Variants in PTPRN2 observed in about 807,000 individuals in gnomAD.
PTPRN2 encodes receptor-type tyrosine-protein phosphatase N2.
A neutral mutation model predicts 118.8 loss-of-function variants in PTPRN2; 74 were observed. The observed-to-expected ratio is 0.62, with a 90% CI of 0.52 to 0.76. The LOEUF is 0.76. Ranked by LOEUF, PTPRN2 falls within the 30% of genes least tolerant of loss-of-function variation. PTPRN2 has a pLI of 0.00. For missense variants in PTPRN2, 1,481 were observed against 1,394.4 expected (o/e 1.06, Z -0.99); for synonymous variants, 641 against 608.0 (o/e 1.05, Z -0.80).
At chr7:157,791,829 CACCT>C (rs1804522340) in intron 12 of PTPRN2, among the ~76,000 whole-genome samples, 1 of 152,240 alleles carries the variant, frequency 6.6e-6, no homozygotes, top group Admixed American at 6.5e-5. Flanking sequence ...GAGGGTATCG[CACCT>C]ACAGCCAGCA....
At chr7:157,703,262 G>T (rs1179486702) in intron 12 of PTPRN2, among the ~76,000 whole-genome samples, 1 of 152,188 alleles carries the variant, frequency 6.6e-6, no homozygotes, top group Non-Finnish European at 1.5e-5. Context: ...TGCTAAGGAC[G>T]CACACTGGGG....
At chr7:158,365,482 A>C (rs1809362770) in intron 2 of PTPRN2, among the ~76,000 whole-genome samples, 1 of 152,190 alleles carries the variant, frequency 6.6e-6, no homozygotes, top group Non-Finnish European at 1.5e-5. Flanking sequence ...CAGATCAATC[A>C]GCTGGAGTGA....
At chr7:158,528,524 C>T (rs1011926706) in intron 1 of PTPRN2, among the ~76,000 whole-genome samples, 1 of 152,062 alleles carries the variant, frequency 6.6e-6, no homozygotes, top group African/African-American at 2.4e-5. Flanking sequence ...CGGTGGCTCA[C>T]ACCTGTAATC....
chr7:157,862,224 A>G (rs1438677545), intron 12 of PTPRN2, among the ~76,000 whole-genome samples: 2 of 152,266 alleles, frequency 1.3e-5, no homozygotes, highest in African/African-American at 4.8e-5. Flanking sequence ...CTGTGTCTGC[A>G]ACAGTCCTAT....
intron 2 of PTPRN2, among the ~76,000 whole-genome samples, chr7:158,463,581 A>G (rs535509783): frequency 2.1e-4 from 32 of 152,028 alleles, no homozygotes; most frequent in African/African-American, 6.3e-4. Context: ...CATTGTTGTC[A>G]ATATCACCGT....
At chr7:158,317,416 CGGGCTCCTTTCCGGCGG>C (rs1193772834) in intron 2 of PTPRN2, among the ~76,000 whole-genome samples, 1 of 152,240 alleles carries the variant, frequency 6.6e-6, no homozygotes, top group East Asian at 1.9e-4. Context: ...CACGGCTTCC[CGGGCTCCTTTCCGGCGG>C]CGCAGGAGAG....
intron 11 of PTPRN2, among the ~76,000 whole-genome samples, chr7:157,988,244 C>G (rs1439265307): frequency 6.6e-6 from 1 of 152,208 alleles, no homozygotes; most frequent in African/African-American, 2.4e-5. Context: ...AGCTTGTCTC[C>G]CAAAGACAGG....
intron 12 of PTPRN2, among the ~76,000 whole-genome samples, chr7:157,788,496 GGGA>G (rs1804223775): frequency 6.6e-6 from 1 of 152,194 alleles, no homozygotes; most frequent in African/African-American, 2.4e-5. Context: ...TCCTGGTTTA[GGGA>G]GGAGCTCTCC....
chr7:158,430,853 C>G (rs532143925), intron 2 of PTPRN2, among the ~76,000 whole-genome samples: 1 of 152,298 alleles, frequency 6.6e-6, no homozygotes, highest in East Asian at 1.9e-4. Context: ...GGGGGAAGAG[C>G]CCCCCACACT....
At chr7:157,910,302 C>T (rs1006624329) in intron 11 of PTPRN2, among the ~76,000 whole-genome samples, 11 of 147,976 alleles carry the variant, frequency 7.4e-5, no homozygotes, top group Non-Finnish European at 1.3e-4. Flanking sequence ...CACGCACGTA[C>T]GCCGTGGGGA....
Position 157,622,730 on chromosome 7 carries a change from C to T in PTPRN2, c.2197-1221G>A, listed in dbSNP as rs975109709. Among the ~76,000 whole-genome samples the T allele has an allele frequency of 2.6e-5, 4 of 152,198 alleles. No homozygotes were observed. The highest frequency in any genetic ancestry group is 9.7e-5 in the African/African-American group (4 of 41,450). On this transcript the variant is annotated intron_variant, in intron 14 of 22. Coordinates refer to ENST00000389418, the MANE Select transcript of PTPRN2 (RefSeq NM_002847.5). This position sits in a 1 kb window ranked among gnomAD's most constrained non-coding sequence, Gnocchi z 5.3. ...GGTGGGTGTGGTGGTGAGGGACAAT[C>T]GCCTGGCTCAGGGTGGGCACTCTAA...
chr7:158,367,867 C>G (rs1809659036), intron 2 of PTPRN2, among the ~76,000 whole-genome samples: 1 of 152,136 alleles, frequency 6.6e-6, no homozygotes, highest in Non-Finnish European at 1.5e-5. Flanking sequence ...GACCGTTTCT[C>G]CAGACGGTTT....
At chr7:157,758,105 C>T (rs1200237856) in intron 12 of PTPRN2, among the ~76,000 whole-genome samples, 1 of 152,328 alleles carries the variant, frequency 6.6e-6, no homozygotes, top group African/African-American at 2.4e-5. Context: ...ATTGACGGAG[C>T]GGGAGATGCG....
intron 3 of PTPRN2, among the ~76,000 whole-genome samples, chr7:158,213,191 A>G (rs946689876): frequency 3.5e-5 from 5 of 144,360 alleles, no homozygotes; most frequent in African/African-American, 1.3e-4. Context: ...TCTTCAAATC[A>G]GGATGGCTCT....
At chr7:158,344,882 T>C (rs1807381915) in intron 2 of PTPRN2, among the ~76,000 whole-genome samples, 1 of 152,210 alleles carries the variant, frequency 6.6e-6, no homozygotes, top group Admixed American at 6.5e-5. Context: ...TGCTTCCCTG[T>C]TGGTTTGCAC....
At chr7:158,336,411 A>C (rs1423158291) in intron 2 of PTPRN2, among the ~76,000 whole-genome samples, 1 of 134,100 alleles carries the variant, frequency 7.5e-6, no homozygotes, top group Non-Finnish European at 1.6e-5. Flanking sequence ...CACTCTCACA[A>C]TAATTGGTGA....
intron 9 of PTPRN2, among the ~76,000 whole-genome samples, chr7:158,130,977 CAA>C (rs1818184595): frequency 6.6e-6 from 1 of 151,408 alleles, no homozygotes; most frequent in African/African-American, 2.4e-5. Flanking sequence ...CACATATACA[CAA>C]ACACACATAT....
rs923916026 is a variant in PTPRN2 at position 157,766,245 on chromosome 7, A to G, written c.1789-83308T>C. 7.0e-5 allele frequency among the ~76,000 whole-genome samples: 10 copies of G among 143,330 alleles called. No individual in the cohort carries two copies. The Admixed American group carries it at 7.0e-4, about 10-fold the overall frequency. 94.0% of individuals were successfully genotyped at this position (143,330 alleles called of 152,430 possible). A position where few individuals can be genotyped will look rare whatever the true frequency, so the allele number is the denominator to read the frequency against. On this transcript the variant is annotated intron_variant, in intron 12 of 22. Coordinates refer to ENST00000389418, the MANE Select transcript of PTPRN2 (RefSeq NM_002847.5). ...CACCCATCCATCCATCCAACCATCC[A>G]TCCTTCCTCCATCCATCCATCCTTC...
At chr7:157,593,124 T>G (rs989865247) in intron 17 of PTPRN2, among the ~76,000 whole-genome samples, 4 of 147,784 alleles carry the variant, frequency 2.7e-5, no homozygotes, top group Admixed American at 6.7e-5. Context: ...ATGTGGCACC[T>G]GCTGAACTGA....
Sources: gnomAD v4.1 joint callset for allele counts (sites outside exome capture counted in the v4.1 genomes callset) on GRCh38, gnomAD v4.1.1 for gene constraint, Gnocchi (gnomAD v3.1) non-coding constraint, MANE v1.5 for transcripts, NCBI Gene and HGNC (gene_info 2026-07-23, HGNC 2026-07-21) for gene names.